The following GVQW3 variants were observed in gnomAD, a reference collection of about 807,000 sequenced individuals.
GVQW3 encodes GVQW motif containing 3.
In GVQW3, 7 loss-of-function variants were observed where a neutral mutation model predicts 12.5. The ratio of observed to expected loss-of-function variants is 0.56; its 90% CI spans 0.32 to 1.05. GVQW3 has a LOEUF of 1.05. Ranked by LOEUF, GVQW3 falls within the 50% of genes least tolerant of loss-of-function variation. The pLI is 0.04. For missense variants in GVQW3, 188 were observed against 190.8 expected, an observed-to-expected ratio of 0.99 and a Z score of 0.09; for synonymous variants, 71 against 67.2, an observed-to-expected ratio of 1.06 and a Z score of -0.28.
At chr11:76,411,736 G>A (rs1947080988), downstream of GVQW3, 1 of 152,164 alleles carries the variant, frequency 6.6e-6, no homozygotes. Flanking sequence ...CCTACTTTGA[G>A]TTGATGTAAT....
At chr11:76,402,943 T>G (rs1947005141) in intron 1 of GVQW3, among the ~76,000 whole-genome samples, 1 of 147,580 alleles carries the variant, frequency 6.8e-6, no homozygotes, top group Non-Finnish European at 1.5e-5. Flanking sequence ...TTTGTTTGTT[T>G]GTTTATTTAT....
At chr11:76,401,143 A>G (rs1017039058) in intron 1 of GVQW3, among the ~76,000 whole-genome samples, 2 of 151,812 alleles carry the variant, frequency 1.3e-5, no homozygotes, top group African/African-American at 4.8e-5. Flanking sequence ...AAAGTGCTAT[A>G]ATTACATGCA....
At chr11:76,399,620 C>T (rs938684921) in intron 1 of GVQW3, among the ~76,000 whole-genome samples, 7 of 152,154 alleles carry the variant, frequency 4.6e-5, no homozygotes, top group African/African-American at 1.4e-4. Context: ...AATCAATAGA[C>T]TGAGTAAAGC....
chr11:76,395,323 C>A (rs1346099376), intron 1 of GVQW3, among the ~76,000 whole-genome samples: 1 of 152,212 alleles, frequency 6.6e-6, no homozygotes, highest in East Asian at 1.9e-4. Context: ...GCCCCAGCAA[C>A]CATGAATCAA....
At chr11:76,411,216 C>G (rs1947077277), downstream of GVQW3, 1 of 152,448 alleles carries the variant, frequency 6.6e-6, no homozygotes, top group Non-Finnish European at 1.5e-5. Flanking sequence ...AGCGGAGCAG[C>G]CCTGCTGTCT....
rs1947020449 is a variant in GVQW3 at position 76,404,472 on chromosome 11, AG to A, written c.*715del. 1 of 152,854 alleles carries A rather than the reference AG, an allele frequency of 6.5e-6. No individual in the cohort carries two copies. 9.5% of individuals were successfully genotyped at this position (152,854 alleles called of 1,614,324 possible). On this transcript the variant is annotated 3_prime_UTR_variant, in exon 2 of 2. Transcript: ENST00000529331. ...TTTGCTGGAGCAAATATTCTGAAAA[AG>A]ATTCCTCCTGTTTCCTATGGGAGTA...
chr11:76,386,219 A>G (rs542084709), intron 1 of GVQW3, among the ~76,000 whole-genome samples: 8 of 152,144 alleles, frequency 5.3e-5, no homozygotes, highest in Admixed American at 1.3e-4. Context: ...ATTTTATGCA[A>G]TTCTCCCCTT....
chr11:76,389,862 C>T lies in GVQW3; in HGVS notation c.465+7569C>T, dbSNP rs556876296. Reference sequence around the variant, plus strand: ...GACACTCAAGCAACACAGATGTACACGGGAATTTTGGGTATTCTATACTGA... The same window carrying T: ...GACACTCAAGCAACACAGATGTACATGGGAATTTTGGGTATTCTATACTGA... On this transcript the variant is annotated intron_variant, in intron 1 of 1. Transcript: ENST00000529331. 9 of 152,276 alleles carry T rather than the reference C, an allele frequency of 5.9e-5. No homozygotes were observed. In the South Asian group the frequency reaches 6.2e-4, roughly 11 times the overall value. The allele number at this position is 152,276 out of a possible 1,614,324, so 9.4% of individuals were successfully genotyped here.
At chr11:76,392,376 G>A (rs1037914404) in intron 1 of GVQW3, 1 of 152,196 alleles carries the variant, frequency 6.6e-6, no homozygotes, top group Non-Finnish European at 1.5e-5. Flanking sequence ...CAGTACCCCT[G>A]TACCTTGCAT....
In GVQW3 at chr11:76,388,343, G is replaced by T. The variant is rs142044570; in HGVS notation, c.465+6050G>T. ...GTATTTGCACCTTGCAACTGGTGCT[G>T]AGATCTGTCCTTTTAGGTAAGTGTA... On this transcript the variant is annotated intron_variant, in intron 1 of 1. Transcript: ENST00000529331. 2.6e-5 allele frequency among the ~76,000 whole-genome samples: 4 copies of T among 152,304 alleles called. No homozygotes were observed. In the East Asian group the frequency reaches 7.7e-4, roughly 29 times the overall value.
chr11:76,409,551 G>A (rs1565250157), downstream of GVQW3, among the ~76,000 whole-genome samples: 1 of 152,096 alleles, frequency 6.6e-6, no homozygotes. Flanking sequence ...GCCTCTTTAG[G>A]GAAATCTATC....
At chr11:76,385,515 C>T (rs1946824535) in intron 1 of GVQW3, among the ~76,000 whole-genome samples, 1 of 152,198 alleles carries the variant, frequency 6.6e-6, no homozygotes, top group Non-Finnish European at 1.5e-5. Flanking sequence ...GCTCTTACTC[C>T]TCTCTTTCCT....
chr11:76,402,029 AG>A (rs1348348089), intron 1 of GVQW3, among the ~76,000 whole-genome samples: 2 of 152,128 alleles, frequency 1.3e-5, no homozygotes, highest in Non-Finnish European at 1.5e-5. Flanking sequence ...TTCCAATCTC[AG>A]GGCTTTATCT....
Position 76,382,237 on chromosome 11 carries a change from T to G in GVQW3, c.409T>G (p.Phe137Val). 6.5e-7 allele frequency: 1 copy of G among 1,536,022 alleles called. No individual in the cohort carries two copies. The highest frequency in any genetic ancestry group is 8.7e-7 in the Non-Finnish European group (1 of 1,146,874). ...TGAGCCTAAACCACGAAAACTTGACTTTCGGTCCGATCTTTCAAAGGAAAC... is the reference window on the plus strand; with the variant it reads ...TGAGCCTAAACCACGAAAACTTGACGTTCGGTCCGATCTTTCAAAGGAAAC... ...KGEPKPRKLD[F>V]RSDLSKETRK... is the part of the protein sequence containing the mutation. The change falls in exon 1 of 2, where the codon TTT becomes GTT. Residue 137 changes from phenylalanine (F) to valine (V), a missense_variant. Physicochemically the swap from Phe to Val is conservative, Grantham distance 50 (BLOSUM62 -1). Coordinates refer to ENST00000529331, the MANE Select transcript of GVQW3 (RefSeq NM_001347885.2).
At chr11:76,409,041 T>C (rs984360481), downstream of GVQW3, among the ~76,000 whole-genome samples, 1 of 152,222 alleles carries the variant, frequency 6.6e-6, no homozygotes, top group South Asian at 2.1e-4. Context: ...TGGCCTATGC[T>C]TCAGGCATTT....
intron 1 of GVQW3, 56 bp downstream of exon 1, chr11:76,382,349 C>A: frequency 8.8e-7 from 1 of 1,137,476 alleles, no homozygotes; most frequent in Non-Finnish European, 1.3e-6. Context: ...GGGGAAATGC[C>A]CCTGCCGGTA....
rs1361454827 is a variant in GVQW3 at position 76,405,378 on chromosome 11, G to A, written c.*1620G>A. ...TTGGCATGGAGTCGGTACTCAATAA[G>A]CATTAGCTATTTGGCGTGCCTGTGT... On this transcript the variant is annotated 3_prime_UTR_variant, in exon 2 of 2. Transcript: ENST00000529331. The A allele has an allele frequency of 2.0e-5, 3 of 152,242 alleles. No homozygotes were observed. The highest frequency in any genetic ancestry group is 4.1e-4 in the South Asian group (2 of 4,830). The allele number at this position is 152,242 out of a possible 1,614,324, so 9.4% of individuals were successfully genotyped here. A position where few individuals can be genotyped will look rare whatever the true frequency, so the allele number is the denominator to read the frequency against.
In GVQW3 at chr11:76,400,006, TACACACACAC is replaced by T. The variant is rs60192043; in HGVS notation, c.466-3619_466-3610del. Among the ~76,000 whole-genome samples, 348 of 140,462 alleles carry T rather than the reference TACACACACAC, an allele frequency of 2.5e-3. 2 individuals carry two copies. Among genetic ancestry groups the T allele is most frequent in the African/African-American group, 8.4e-3 (313 of 37,476 alleles). The allele number at this position is 140,462 out of a possible 152,430, so 92.1% of individuals were successfully genotyped here. On this transcript the variant is annotated intron_variant, in intron 1 of 1. Coordinates refer to ENST00000529331, the MANE Select transcript of GVQW3 (RefSeq NM_001347885.2). ...TATAATAAATCTCTCTCTCTCTGTA[TACACACACAC>T]ACACACACACACACACACACACACA...
intron 1 of GVQW3, among the ~76,000 whole-genome samples, chr11:76,386,090 T>G (rs1946830795): frequency 6.6e-6 from 1 of 152,204 alleles, no homozygotes. Flanking sequence ...GGCTTTCAGG[T>G]TGATCTTTGT....
Sources: allele counts gnomAD v4.1 joint callset (sites outside exome capture counted in the v4.1 genomes callset), GRCh38; gene constraint gnomAD v4.1.1; transcripts MANE v1.5; gene names NCBI Gene and HGNC (gene_info 2026-07-23, HGNC 2026-07-21).